The following MYBL2 variants were observed in gnomAD, a reference collection of about 807,000 sequenced individuals.
MYBL2 encodes myb-related protein B.
MYBL2 carries 28 observed loss-of-function variants against 79.9 expected under a neutral mutation model. The observed-to-expected ratio is 0.35, with a 90% CI of 0.26 to 0.48. The LOEUF (loss-of-function observed/expected upper bound fraction) is 0.48, where lower values mean the gene tolerates loss of function less well. MYBL2 is among the 20% of genes least tolerant of loss of function. MYBL2 has a pLI of 0.99. For synonymous variants in MYBL2, 378 were observed against 361.2 expected, an observed-to-expected ratio of 1.05 and a Z score of -0.53; for missense variants, 735 against 893.9, an observed-to-expected ratio of 0.82 and a Z score of 2.27.
intron 6 of MYBL2, 96 bp from the exon 7 acceptor site, chr20:43,699,661 T>G: frequency 7.4e-7 from 1 of 1,350,634 alleles, no homozygotes; most frequent in Non-Finnish European, 1.0e-6. Flanking sequence ...TTCATCACAG[T>G]TTCCTTCTTA....
chr20:43,688,416 G>T (rs1226372109), intron 5 of MYBL2, among the ~76,000 whole-genome samples: 1 of 152,000 alleles, frequency 6.6e-6, no homozygotes, highest in Non-Finnish European at 1.5e-5. Context: ...TGGCCAGGCT[G>T]GTCTCGAACT....
At chr20:43,688,194 AT>A (rs1259138513) in intron 5 of MYBL2, among the ~76,000 whole-genome samples, 1 of 149,236 alleles carries the variant, frequency 6.7e-6, no homozygotes, top group Non-Finnish European at 1.5e-5. Context: ...CTCTTTTTTT[AT>A]TTTTTATTTA....
chr20:43,668,398 C>T (rs1253266362), intron 1 of MYBL2, among the ~76,000 whole-genome samples: 2 of 152,018 alleles, frequency 1.3e-5, no homozygotes, highest in Non-Finnish European at 2.9e-5. Context: ...GACAGGGTTT[C>T]ACCATGTTAG....
At chr20:43,671,128 C>T (rs917740273) in intron 1 of MYBL2, among the ~76,000 whole-genome samples, 2 of 151,820 alleles carry the variant, frequency 1.3e-5, no homozygotes, top group African/African-American at 2.4e-5. Flanking sequence ...GCCACCATGC[C>T]CAGCTAATTT....
intron 8 of MYBL2, 83 bp from the exon 9 acceptor site, chr20:43,705,136 A>G (rs750314089): frequency 3.3e-6 from 5 of 1,522,164 alleles, no homozygotes; most frequent in Non-Finnish European, 4.5e-6. Flanking sequence ...AGGCTCAAGG[A>G]TCTCTCCCCA....
At chr20:43,678,274 G>T (rs1353444426) in intron 2 of MYBL2, among the ~76,000 whole-genome samples, 2 of 149,806 alleles carry the variant, frequency 1.3e-5, no homozygotes. Flanking sequence ...ATCCCCCTCT[G>T]CGAGAAACAC....
intron 6 of MYBL2, among the ~76,000 whole-genome samples, chr20:43,692,554 C>T (rs997995044): frequency 2.0e-5 from 3 of 152,190 alleles, no homozygotes; most frequent in African/African-American, 7.2e-5. Flanking sequence ...AGGAGATCCT[C>T]AGCCTCCATC....
chr20:43,698,348 CAT>C (rs1987600790), intron 6 of MYBL2, among the ~76,000 whole-genome samples: 1 of 130,258 alleles, frequency 7.7e-6, no homozygotes, highest in African/African-American at 2.9e-5. Context: ...CCACGCCCCG[CAT>C]ATTTTTTTTT....
intron 2 of MYBL2, among the ~76,000 whole-genome samples, chr20:43,678,559 G>A (rs933035394): frequency 9.9e-5 from 15 of 151,944 alleles, no homozygotes; most frequent in African/African-American, 3.6e-4. Flanking sequence ...GTGGGGGATC[G>A]ATAAGAGAGA....
At position 43,672,427 on chromosome 20, in the gene MYBL2, C is replaced by CA. The variant is rs3091561; in HGVS notation, c.21-1365dup. Among the ~76,000 whole-genome samples, 1,227 of 144,978 alleles carry CA rather than the reference C, an allele frequency of 8.5e-3. 16 individuals are homozygous for CA. Among genetic ancestry groups the CA allele is most frequent in the African/African-American group, 0.029 (1,129 of 39,470 alleles). Reference sequence around the variant, plus strand: ...GTAGCATACTGAGACCCTGTCATTACAAAAAAAAAAAAAATCAACACACGA... The same window carrying CA: ...GTAGCATACTGAGACCCTGTCATTACAAAAAAAAAAAAAAATCAACACACGA... On this transcript the variant is annotated intron_variant, in intron 1 of 13. Transcript: ENST00000217026.
chr20:43,698,217 C>G (rs1321676227), intron 6 of MYBL2, among the ~76,000 whole-genome samples: 2 of 151,296 alleles, frequency 1.3e-5, no homozygotes, highest in Non-Finnish European at 2.9e-5. Flanking sequence ...ATAAAATTCA[C>G]TTTTTGTTTG....
chr20:43,675,611 C>A (rs1986987212), intron 2 of MYBL2, among the ~76,000 whole-genome samples: 1 of 152,132 alleles, frequency 6.6e-6, no homozygotes, highest in South Asian at 2.1e-4. Flanking sequence ...CTACGGTGAG[C>A]CGGTTTGATC....
At chr20:43,671,725 G>A (rs1373213856) in intron 1 of MYBL2, among the ~76,000 whole-genome samples, 2 of 149,310 alleles carry the variant, frequency 1.3e-5, no homozygotes, top group Non-Finnish European at 3.0e-5. Flanking sequence ...GCCTGCCTTG[G>A]CCCCAAAGTG....
At chr20:43,675,854 AG>A (rs1184051271) in intron 2 of MYBL2, among the ~76,000 whole-genome samples, 1 of 149,648 alleles carries the variant, frequency 6.7e-6, no homozygotes, top group Non-Finnish European at 1.5e-5. Flanking sequence ...ATGTCGTGGG[AG>A]TTTGATGTAC....
At chr20:43,675,329 T>G (rs1048902718) in intron 2 of MYBL2, among the ~76,000 whole-genome samples, 2 of 151,922 alleles carry the variant, frequency 1.3e-5, no homozygotes, top group Admixed American at 1.3e-4. Flanking sequence ...TTTCTTTTTT[T>G]TTTTTTGAGA....
At chr20:43,670,177 G>C (rs1219128217) in intron 1 of MYBL2, among the ~76,000 whole-genome samples, 1 of 152,228 alleles carries the variant, frequency 6.6e-6, no homozygotes, top group Non-Finnish European at 1.5e-5. Context: ...TTTCATCCTT[G>C]AAAGAATATT....
chr20:43,674,234 C>CTT (rs1555809925), intron 2 of MYBL2, among the ~76,000 whole-genome samples: 1,862 of 72,232 alleles, frequency 0.026, 153 homozygotes, highest in Non-Finnish European at 0.039. Context: ...TCCCCCCACC[C>CTT]TTTTTTTTTT....
chr20:43,707,769 C>T (rs1987824454), intron 9 of MYBL2, among the ~76,000 whole-genome samples: 1 of 149,414 alleles, frequency 6.7e-6, no homozygotes, highest in Non-Finnish European at 1.5e-5. Flanking sequence ...CTATTTTTTT[C>T]CCCCCCGGCT....
chr20:43,706,924 C>G lies in MYBL2; in HGVS notation c.1505+1566C>G, dbSNP rs189194824. On this transcript the variant is annotated intron_variant, in intron 9 of 13. Transcript: ENST00000217026. ...AGAAACGAGGTTTCACCGTGTTGGT[C>G]AGGCTGGTCTCAAACTCCTGACCTT... is the stretch of plus-strand genomic sequence containing the variant. 1.8e-3 allele frequency among the ~76,000 whole-genome samples: 271 copies of G among 151,464 alleles called. 1 individual carries two copies. Among genetic ancestry groups the G allele is most frequent in the Middle Eastern group, 0.014 (4 of 294 alleles).
Sources: allele counts gnomAD v4.1 joint callset (sites outside exome capture counted in the v4.1 genomes callset), GRCh38; gene constraint gnomAD v4.1.1; transcripts MANE v1.5; gene names NCBI Gene and HGNC (gene_info 2026-07-23, HGNC 2026-07-21).